MYO15A: variants seen among roughly 807,000 people sequenced by gnomAD.
MYO15A encodes unconventional myosin-XV.
Under a neutral mutation model 394.6 loss-of-function variants are expected in MYO15A, and 308 were observed. That is an observed-to-expected ratio of 0.78 (90% CI 0.71 to 0.86). MYO15A has a LOEUF of 0.86. Among genes scored for constraint, MYO15A ranks in the 40% least tolerant of loss-of-function variants. The pLI is 0.00. For missense variants in MYO15A, 4,606 were observed against 4,799.1 expected (o/e 0.96, Z 1.19); for synonymous variants, 1,957 against 2,003.8 (o/e 0.98, Z 0.62).
intron 2 of MYO15A, chr17:18,124,144 T>TGGG: frequency 2.6e-6 from 1 of 380,354 alleles, no homozygotes; most frequent in Non-Finnish European, 5.1e-6. Context: ...AGCCAACATA[T>TGGG]GGGGTCTGCT....
At chr17:18,143,327 C>T (rs539970072) in intron 25 of MYO15A, among the ~76,000 whole-genome samples, 4 of 152,286 alleles carry the variant, frequency 2.6e-5, no homozygotes, top group East Asian at 3.9e-4. Context: ...CTTTCCCCAG[C>T]GTTTTTCTCC....
intron 1 of MYO15A, among the ~76,000 whole-genome samples, chr17:18,111,341 GAAAA>G (rs57095827): frequency 8.4e-6 from 1 of 118,950 alleles, no homozygotes; most frequent in African/African-American, 3.1e-5. Flanking sequence ...TCTCAAAAGA[GAAAA>G]AAAAAAAAAA....
chr17:18,120,077 C>A lies in MYO15A; in HGVS notation c.1277C>A (p.Ala426Asp). The A allele has an allele frequency of 6.2e-7, 1 of 1,612,974 alleles. No individual in the cohort carries two copies. The highest frequency in any genetic ancestry group is 8.5e-7 in the Non-Finnish European group (1 of 1,179,716). ...ATCCCGTCGCCCCACAACCCGTATG[C>A]CCACGCCATGGATGACATCGCCGAG... ...PPIPSPHNPY[A>D]HAMDDIAELE... Residue 426 changes from alanine (A) to aspartate (D), a missense_variant, in exon 2 of 66, where the codon GCC (alanine) becomes GAC (aspartate). This residue lies in a region of MYO15A where 1,830 missense variants were observed against 1,689.7 expected (regional missense o/e 1.08). Transcript: ENST00000647165.
At chr17:18,144,800 CAAA>C (rs35437143) in intron 29 of MYO15A, among the ~76,000 whole-genome samples, 6 of 117,074 alleles carry the variant, frequency 5.1e-5, no homozygotes, top group Non-Finnish European at 7.1e-5. Flanking sequence ...ATCTTCCTGG[CAAA>C]AAAAAAAAAA....
chr17:18,163,436 C>T lies in MYO15A; in HGVS notation c.9690+115C>T, dbSNP rs2046805012. ...CAATGATGCTGAGCCCTCCCAGGCT[C>T]TCCCACAGCCCCACAAGGCAGGACT... On this transcript the variant is annotated intron_variant, in intron 59 of 65. Coordinates refer to ENST00000647165, the MANE Select transcript of MYO15A (RefSeq NM_016239.4). 3.6e-6 allele frequency: 4 copies of T among 1,103,446 alleles called. No homozygotes were observed. The South Asian group carries it at 5.1e-5, about 14-fold the overall frequency. 68.4% of individuals were successfully genotyped at this position (1,103,446 alleles called of 1,614,324 possible).
rs1277419503 is a variant in MYO15A, at chr17:18,132,030, G to A, written c.4207-423G>A. ...TAGCAGGTGGGCTCCATCAGGTCAG[G>A]GGCTTCTCTCTACGTTGTTCCCCAC... is the stretch of plus-strand genomic sequence containing the variant. On this transcript the variant is annotated intron_variant, in intron 10 of 65. Coordinates refer to ENST00000647165, the MANE Select transcript of MYO15A (RefSeq NM_016239.4). The surrounding 1 kb of genome is among the most constrained non-coding windows in gnomAD (Gnocchi z 4.6). 1.3e-5 allele frequency among the ~76,000 whole-genome samples: 2 copies of A among 152,156 alleles called. No individual in the cohort carries two copies. Among genetic ancestry groups the A allele is most frequent in the African/African-American group, 4.8e-5 (2 of 41,430 alleles).
chr17:18,175,292 C>CTTTTTTTTT (rs1182500584), intron 65 of MYO15A, among the ~76,000 whole-genome samples: 6 of 91,282 alleles, frequency 6.6e-5, no homozygotes, highest in Non-Finnish European at 9.0e-5. Context: ...TCTAGACTAT[C>CTTTTTTTTT]TTTTTTTTTT....
chr17:18,161,291 G>T, intron 56 of MYO15A, 26 bp from the exon 57 acceptor site: 1 of 1,612,120 alleles, frequency 6.2e-7, no homozygotes, highest in Non-Finnish European at 8.5e-7. Flanking sequence ...GGCCACCTCT[G>T]CTGTAGCCCC....
At position 18,149,010 on chromosome 17, in the gene MYO15A, A is replaced by C. The variant is rs2046533139; in HGVS notation, c.6956+58A>C. On this transcript the variant is annotated intron_variant, in intron 33 of 65. Coordinates refer to ENST00000647165, the MANE Select transcript of MYO15A (RefSeq NM_016239.4). ...GCCACTCCCAGGCAGAAGGCCGGCC[A>C]CTCCCAGGCAGAAGGCCTGCCCCTC... 2.6e-6 allele frequency: 4 copies of C among 1,539,460 alleles called. No homozygotes were observed. In the South Asian group the frequency reaches 4.8e-5, roughly 18 times the overall value.
At position 18,139,686 on chromosome 17, in the gene MYO15A, C is replaced by T. The variant is rs2046344571; in HGVS notation, c.5211+75C>T. 2.5e-5 allele frequency: 38 copies of T among 1,547,462 alleles called. No individual in the cohort carries two copies. The South Asian group carries it at 4.1e-4, about 17-fold the overall frequency. ...CCCCCACACCCAGCCTGCCTTCAGG[C>T]CTGGGACCGTGTTGCCACGTCCTGG... On this transcript the variant is annotated intron_variant, in intron 19 of 65. Transcript: ENST00000647165.
chr17:18,157,614 A>G, intron 50 of MYO15A, 108 bp from the exon 51 acceptor site: 2 of 1,556,034 alleles, frequency 1.3e-6, no homozygotes, highest in Non-Finnish European at 1.7e-6. Context: ...GGCCTGCCTC[A>G]TAGAGTTCCA....
intron 56 of MYO15A, chr17:18,160,612 G>A (rs2046760283): frequency 5.3e-6 from 1 of 190,236 alleles, no homozygotes; most frequent in Non-Finnish European, 1.1e-5. Flanking sequence ...GCCAATCACT[G>A]TGGCCAGGGG....
intron 10 of MYO15A, 75 bp downstream of exon 10, chr17:18,131,606 C>A: frequency 6.5e-7 from 1 of 1,540,578 alleles, no homozygotes; most frequent in East Asian, 2.3e-5. Context: ...AGCCTGGCCC[C>A]TGGTAGGGCT....
rs887946218 is a variant in MYO15A at position 18,179,198 on chromosome 17, A to G, written c.*328A>G. ...CCTGCCCCTAACTCCTGCCTATGAC[A>G]CAGAAGCCCCACACCAGTTGCCCAG... On this transcript the variant is annotated 3_prime_UTR_variant, in exon 66 of 66. Transcript: ENST00000647165. 1.6e-5 allele frequency: 7 copies of G among 439,084 alleles called. No homozygotes were observed. The highest frequency in any genetic ancestry group is 2.6e-5 in the Non-Finnish European group (6 of 234,846). The allele number at this position is 439,084 out of a possible 1,614,324, so 27.2% of individuals were successfully genotyped here.
intron 48 of MYO15A, 110 bp from the exon 49 acceptor site, chr17:18,156,844 G>A: frequency 2.0e-6 from 2 of 982,490 alleles, no homozygotes; most frequent in Admixed American, 1.9e-5. Context: ...ACCTAATGAA[G>A]GCTCCCTTCC....
At chr17:18,126,112 G>A (rs1011118450) in intron 4 of MYO15A, among the ~76,000 whole-genome samples, 1 of 152,266 alleles carries the variant, frequency 6.6e-6, no homozygotes, top group Admixed American at 6.5e-5. Flanking sequence ...GATCGTGGCT[G>A]TGGGGTTTGC....
At chr17:18,141,585 A>AC in intron 22 of MYO15A, 68 bp from the exon 23 acceptor site, 1 of 1,451,934 alleles carries the variant, frequency 6.9e-7, no homozygotes, top group Non-Finnish European at 9.7e-7. Flanking sequence ...GGGGGCAGTA[A>AC]CCCCATGGTC....
Position 18,120,976 on chromosome 17 carries a change from G to A in MYO15A, c.2176G>A (p.Ala726Thr), listed in dbSNP as rs1210905685. ...CTGGTGGGCCTTCGTGGAGCCCCCT[G>A]CCGTGAGCCCGGAGGTGCCCCCCGA... is the stretch of plus-strand genomic sequence containing the variant. ...ASWWAFVEPPAVSPEVPPDLL... is the reference protein window; with the variant it reads ...ASWWAFVEPPTVSPEVPPDLL... Residue 726 changes from alanine to threonine, a missense_variant, in exon 2 of 66, where the codon GCC becomes ACC. Physicochemically the swap from Ala to Thr is moderately conservative, Grantham distance 58. Around this residue, in one of 2 missense-constraint regions of MYO15A, gnomAD observed 1,830 missense variants for 1,689.7 expected, o/e 1.08. Coordinates refer to ENST00000647165, the MANE Select transcript of MYO15A (RefSeq NM_016239.4). 2.7e-6 allele frequency: 4 copies of A among 1,497,714 alleles called. No homozygotes were observed. In the South Asian group the frequency reaches 3.7e-5, roughly 14 times the overall value. The allele number at this position is 1,497,714 out of a possible 1,614,324, so 92.8% of individuals were successfully genotyped here. A position where few individuals can be genotyped will look rare whatever the true frequency, so the allele number is the denominator to read the frequency against.
intron 7 of MYO15A, among the ~76,000 whole-genome samples, chr17:18,128,452 G>A (rs2046092732): frequency 6.6e-6 from 1 of 152,150 alleles, no homozygotes; most frequent in Non-Finnish European, 1.5e-5. Context: ...GGGCGTAGGT[G>A]GAGGCTGCTC....
Sources: gnomAD v4.1 joint callset for allele counts (sites outside exome capture counted in the v4.1 genomes callset) on GRCh38, gnomAD v4.1.1 for gene constraint, gnomAD v4.1.1 regional missense constraint, Gnocchi (gnomAD v3.1) non-coding constraint, MANE v1.5 for transcripts, NCBI Gene and HGNC (gene_info 2026-07-23, HGNC 2026-07-21) for gene names.